ZBTB20: variants seen among roughly 807,000 people sequenced by gnomAD.
The protein encoded by ZBTB20 is zinc finger and BTB domain containing 20.
In ZBTB20, 9 loss-of-function variants were observed where a neutral mutation model predicts 56.9. That is an observed-to-expected ratio of 0.16 (90% CI 0.10 to 0.28). The LOEUF (loss-of-function observed/expected upper bound fraction) is 0.28, where lower values mean the gene tolerates loss of function less well. Ranked by LOEUF, ZBTB20 falls within the 10% of genes least tolerant of loss-of-function variation. The probability of loss-of-function intolerance (pLI) is 1.00; values close to 1 mark genes in which losing one functional copy is unlikely to be tolerated. For synonymous variants in ZBTB20, 417 were observed against 420.7 expected, an observed-to-expected ratio of 0.99 and a Z score of 0.11; for missense variants, 655 against 1,003.0, an observed-to-expected ratio of 0.65 and a Z score of 4.69.
chr3:114,969,991 A>T (rs1475155640), intron 3 of ZBTB20, among the ~76,000 whole-genome samples: 2 of 152,252 alleles, frequency 1.3e-5, no homozygotes, highest in Non-Finnish European at 2.9e-5. Flanking sequence ...GAAAAGCATT[A>T]TCTTTCTTGT....
At chr3:114,790,077 T>C (rs752927701) in intron 5 of ZBTB20, among the ~76,000 whole-genome samples, 2 of 152,136 alleles carry the variant, frequency 1.3e-5, no homozygotes, top group African/African-American at 4.8e-5. Flanking sequence ...GAAATATTTG[T>C]TGATTAAATG....
intron 5 of ZBTB20, among the ~76,000 whole-genome samples, chr3:114,760,213 G>T (rs1055481726): frequency 6.6e-6 from 1 of 151,944 alleles, no homozygotes; most frequent in African/African-American, 2.4e-5. Flanking sequence ...TTAATTTATT[G>T]GATACATATT....
chr3:114,655,833 A>G (rs535941104), intron 6 of ZBTB20, among the ~76,000 whole-genome samples: 48 of 152,304 alleles, frequency 3.2e-4, no homozygotes, highest in African/African-American at 1.0e-3. Flanking sequence ...AAATACTATA[A>G]TTTATGCATT....
chr3:114,750,866 T>C (rs1348190651), intron 5 of ZBTB20, among the ~76,000 whole-genome samples: 1 of 152,210 alleles, frequency 6.6e-6, no homozygotes, highest in East Asian at 1.9e-4. Context: ...GTCTACTCTT[T>C]GAAGCAGAGT....
intron 7 of ZBTB20, among the ~76,000 whole-genome samples, chr3:114,449,167 A>G (rs982357009): frequency 1.3e-5 from 2 of 152,206 alleles, no homozygotes; most frequent in Non-Finnish European, 1.5e-5. Flanking sequence ...TTGCACATCA[A>G]TAAGTATTTT....
intron 6 of ZBTB20, among the ~76,000 whole-genome samples, chr3:114,681,901 T>A (rs1269479102): frequency 6.6e-6 from 1 of 152,190 alleles, no homozygotes; most frequent in Admixed American, 6.5e-5. Flanking sequence ...TTCATTAGGT[T>A]GAAAGGTTAT....
At chr3:114,638,901 A>G (rs1378554250) in intron 6 of ZBTB20, among the ~76,000 whole-genome samples, 1 of 152,106 alleles carries the variant, frequency 6.6e-6, no homozygotes, top group African/African-American at 2.4e-5. Context: ...GATATAAACA[A>G]GTCTTCTATT....
chr3:114,396,819 A>T (rs1384568441), intron 7 of ZBTB20, among the ~76,000 whole-genome samples: 1 of 152,166 alleles, frequency 6.6e-6, no homozygotes, highest in African/African-American at 2.4e-5. Context: ...CCCTGTATTA[A>T]TAATTTAATC....
At chr3:114,792,949 C>T (rs2071076863) in intron 5 of ZBTB20, among the ~76,000 whole-genome samples, 1 of 149,710 alleles carries the variant, frequency 6.7e-6, no homozygotes, top group Non-Finnish European at 1.5e-5. Flanking sequence ...GATCTCAGCT[C>T]ACTGCAACCT....
At chr3:114,727,679 A>G (rs2065410453) in intron 5 of ZBTB20, among the ~76,000 whole-genome samples, 2 of 152,148 alleles carry the variant, frequency 1.3e-5, no homozygotes, top group South Asian at 4.1e-4. Context: ...GACAAAAAAC[A>G]TGTTGTGTTT....
chr3:114,828,838 A>G, intron 4 of ZBTB20, among the ~76,000 whole-genome samples: 1 of 151,904 alleles, frequency 6.6e-6, no homozygotes, highest in East Asian at 1.9e-4. Flanking sequence ...CCTTAATTGA[A>G]TTAAGTTTAA....
intron 4 of ZBTB20, among the ~76,000 whole-genome samples, chr3:114,813,298 A>G (rs951367221): frequency 6.7e-6 from 1 of 149,892 alleles, no homozygotes; most frequent in Non-Finnish European, 1.5e-5. Context: ...TATACATTAG[A>G]GTGGATTCAA....
chr3:114,778,272 T>A, intron 5 of ZBTB20, among the ~76,000 whole-genome samples: 1 of 91,724 alleles, frequency 1.1e-5, no homozygotes, highest in Non-Finnish European at 2.0e-5. Flanking sequence ...ATAATAATAA[T>A]AATAATAATA....
intron 1 of ZBTB20, among the ~76,000 whole-genome samples, chr3:115,145,804 A>G (rs1044344823): frequency 2.0e-5 from 3 of 152,236 alleles, no homozygotes; most frequent in Non-Finnish European, 2.9e-5. Flanking sequence ...ACTGGTTATC[A>G]CTTAAATTTA....
intron 6 of ZBTB20, among the ~76,000 whole-genome samples, chr3:114,683,087 G>T (rs1350031043): frequency 3.3e-5 from 5 of 151,964 alleles, no homozygotes; most frequent in Non-Finnish European, 7.4e-5. Flanking sequence ...ATGTCCTTTT[G>T]TACTTACCTG....
At chr3:115,053,221 A>G (rs1277659732) in intron 2 of ZBTB20, among the ~76,000 whole-genome samples, 1 of 152,252 alleles carries the variant, frequency 6.6e-6, no homozygotes, top group East Asian at 1.9e-4. Flanking sequence ...GATGTAACAC[A>G]TTGGAGACTA....
chr3:115,089,145 G>A lies in ZBTB20; in HGVS notation c.-702-17731C>T, dbSNP rs563191444. 1.0e-3 allele frequency among the ~76,000 whole-genome samples: 157 copies of A among 151,812 alleles called. 2 individuals carry two copies. Among genetic ancestry groups the A allele is most frequent in the Non-Finnish European group, 1.3e-4 (9 of 67,808 alleles). On this transcript the variant is annotated intron_variant, in intron 1 of 11. Coordinates refer to ENST00000675478, the MANE Select transcript of ZBTB20 (RefSeq NM_001348800.3). ...GGCTCAACAAATGGAGGAACAGCCT[G>A]ATTCTGAATAACTGCAAAGCAGAGT...
At chr3:114,502,223 T>G (rs1218956205) in intron 6 of ZBTB20, among the ~76,000 whole-genome samples, 2 of 152,170 alleles carry the variant, frequency 1.3e-5, no homozygotes, top group Non-Finnish European at 2.9e-5. Context: ...TCCAGAAATA[T>G]GCAAAACAAA....
intron 3 of ZBTB20, among the ~76,000 whole-genome samples, chr3:114,967,584 T>C (rs953570278): frequency 2.0e-5 from 3 of 152,008 alleles, no homozygotes; most frequent in African/African-American, 7.2e-5. Context: ...TTTGCATTCC[T>C]CCTCAAGGGA....
Sources: allele counts gnomAD v4.1 joint callset (sites outside exome capture counted in the v4.1 genomes callset), GRCh38; gene constraint gnomAD v4.1.1; transcripts MANE v1.5; gene names NCBI Gene and HGNC (gene_info 2026-07-23, HGNC 2026-07-21).